Variants in ROBO2 observed in about 807,000 individuals in gnomAD.
The protein encoded by ROBO2 is roundabout guidance receptor 2, also known as roundabout homolog 2.
Under a neutral mutation model 160.8 loss-of-function variants are expected in ROBO2, and 53 were observed. The observed-to-expected ratio is 0.33, with a 90% CI of 0.26 to 0.41. ROBO2 has a LOEUF of 0.41. Ranked by LOEUF, ROBO2 falls within the 10% of genes least tolerant of loss-of-function variation. The pLI is 1.00. For missense variants in ROBO2, 1,577 were observed against 1,722.4 expected (o/e 0.92, Z 1.49); for synonymous variants, 664 against 611.7 (o/e 1.09, Z -1.26).
At chr3:77,327,605 T>C (rs2065539411) in intron 2 of ROBO2, among the ~76,000 whole-genome samples, 1 of 152,112 alleles carries the variant, frequency 6.6e-6, no homozygotes, top group Admixed American at 6.5e-5. Context: ...AAATGCCCAA[T>C]GACAATAGGC....
At chr3:76,209,030 T>G (rs1477959216) in intron 2 of ROBO2, among the ~76,000 whole-genome samples, 2 of 152,146 alleles carry the variant, frequency 1.3e-5, no homozygotes, top group African/African-American at 4.8e-5. Flanking sequence ...TGTGAAATAG[T>G]TGAAAATGGG....
At chr3:76,699,421 C>G (rs2093000438) in intron 2 of ROBO2, among the ~76,000 whole-genome samples, 2 of 151,822 alleles carry the variant, frequency 1.3e-5, no homozygotes, top group Non-Finnish European at 2.9e-5. Flanking sequence ...CTCATGAAGA[C>G]TTTTTTTCTC....
At chr3:76,498,722 G>T (rs1185020020) in intron 2 of ROBO2, among the ~76,000 whole-genome samples, 9 of 136,328 alleles carry the variant, frequency 6.6e-5, no homozygotes, top group African/African-American at 2.2e-4. Context: ...TTGCTCTGTC[G>T]CCCAGGCTGG....
chr3:76,116,877 C>A (rs1312924859), intron 2 of ROBO2, among the ~76,000 whole-genome samples: 1 of 152,058 alleles, frequency 6.6e-6, no homozygotes, highest in African/African-American at 2.4e-5. Flanking sequence ...AAAGCAGAAG[C>A]TTTTCTTGCA....
chr3:76,949,051 A>G lies in ROBO2; in HGVS notation c.110-148963A>G, dbSNP rs944152163. ...CAGGCGTGAGCCACCACGCCTGGCC[A>G]TAATTTAAATTTTCATGTCTAATCT... On this transcript the variant is annotated intron_variant, in intron 2 of 26. Transcript: ENST00000487694. 9.3e-5 allele frequency among the ~76,000 whole-genome samples: 14 copies of G among 150,074 alleles called. No homozygotes were observed. In the East Asian group the frequency reaches 2.8e-3, roughly 30 times the overall value.
intron 2 of ROBO2, among the ~76,000 whole-genome samples, chr3:76,503,982 T>C (rs1256666797): frequency 6.6e-6 from 1 of 152,198 alleles, no homozygotes; most frequent in Non-Finnish European, 1.5e-5. Context: ...ATAACTAGAG[T>C]TAAGCTCAGA....
intron 2 of ROBO2, among the ~76,000 whole-genome samples, chr3:76,528,232 A>G (rs1157654907): frequency 6.6e-6 from 1 of 152,102 alleles, no homozygotes; most frequent in East Asian, 1.9e-4. Flanking sequence ...GAGCAGAGGA[A>G]TGACCTAATG....
chr3:76,360,320 C>A (rs1576655194), intron 2 of ROBO2, among the ~76,000 whole-genome samples: 1 of 152,028 alleles, frequency 6.6e-6, no homozygotes, highest in African/African-American at 2.4e-5. Flanking sequence ...TGTTTGTACC[C>A]CCTGTCATGA....
intron 2 of ROBO2, among the ~76,000 whole-genome samples, chr3:77,217,974 G>A (rs969609839): frequency 1.3e-5 from 2 of 152,174 alleles, no homozygotes; most frequent in Admixed American, 6.5e-5. Context: ...ATGTTTCCCA[G>A]TTTGGATACA....
At chr3:77,252,533 C>A (rs377087722) in intron 2 of ROBO2, among the ~76,000 whole-genome samples, 1 of 151,658 alleles carries the variant, frequency 6.6e-6, no homozygotes, top group Non-Finnish European at 1.5e-5. Flanking sequence ...TAGAACCAGG[C>A]GCAGTGGCTC....
chr3:76,214,817 G>C (rs963460348), intron 2 of ROBO2, among the ~76,000 whole-genome samples: 4 of 152,186 alleles, frequency 2.6e-5, no homozygotes, highest in South Asian at 2.1e-4. Flanking sequence ...GAGAGAAGTC[G>C]TTCTCCCAGC....
intron 2 of ROBO2, among the ~76,000 whole-genome samples, chr3:76,034,448 T>G (rs2067033846): frequency 6.6e-6 from 1 of 152,202 alleles, no homozygotes; most frequent in Non-Finnish European, 1.5e-5. Context: ...TATGATAAGA[T>G]GTGGAGACTA....
chr3:75,986,935 T>C (rs1029770530), intron 2 of ROBO2, among the ~76,000 whole-genome samples: 22 of 151,824 alleles, frequency 1.4e-4, no homozygotes, highest in African/African-American at 5.1e-4. Flanking sequence ...CCTATAAGTC[T>C]GTCTTTATGC....
chr3:76,506,065 T>A (rs1011263700), intron 2 of ROBO2, among the ~76,000 whole-genome samples: 1 of 152,184 alleles, frequency 6.6e-6, no homozygotes, highest in African/African-American at 2.4e-5. Flanking sequence ...CATTCTTCAC[T>A]GACATCACCA....
chr3:77,130,565 T>C (rs1045727680), intron 2 of ROBO2, among the ~76,000 whole-genome samples: 1 of 152,244 alleles, frequency 6.6e-6, no homozygotes, highest in African/African-American at 2.4e-5. Context: ...CAATTATGTT[T>C]GCACCAACCT....
In ROBO2 at chr3:76,134,292, G is replaced by C. The variant is rs11714678; in HGVS notation, c.109+196690G>C. Among the ~76,000 whole-genome samples the C allele has an allele frequency of 2.6e-4, 39 of 150,686 alleles. No individual in the cohort carries two copies. The East Asian group carries it at 4.5e-3, about 18-fold the overall frequency. ...ACTTTTTTTTTCTCTCTCTCTCTCT[G>C]ATAACCACCGTAAATACAGAAAACT... On this transcript the variant is annotated intron_variant, in intron 2 of 26. Transcript: ENST00000487694.
intron 2 of ROBO2, among the ~76,000 whole-genome samples, chr3:76,420,252 C>G (rs1031847155): frequency 2.6e-5 from 4 of 152,114 alleles, no homozygotes; most frequent in Non-Finnish European, 5.9e-5. Context: ...TAGGCTCAAG[C>G]AATCTTCTCA....
At chr3:77,001,667 G>T (rs914769695) in intron 2 of ROBO2, among the ~76,000 whole-genome samples, 2 of 152,062 alleles carry the variant, frequency 1.3e-5, no homozygotes, top group African/African-American at 4.8e-5. Flanking sequence ...GGCTAATGGT[G>T]CCAAGATTCT....
chr3:77,480,939 A>G (rs1375310083), intron 3 of ROBO2, among the ~76,000 whole-genome samples, 160 bp from the exon 4 acceptor site: 1 of 152,194 alleles, frequency 6.6e-6, no homozygotes, highest in Non-Finnish European at 1.5e-5. Flanking sequence ...GGGTGAATTT[A>G]AGAAAAGAAA....
Sources: allele counts gnomAD v4.1 joint callset (sites outside exome capture counted in the v4.1 genomes callset), GRCh38; gene constraint gnomAD v4.1.1; transcripts MANE v1.5; gene names NCBI Gene and HGNC (gene_info 2026-07-23, HGNC 2026-07-21).